Variants in LURAP1L observed in about 807,000 individuals in gnomAD.
LURAP1L encodes leucine rich adaptor protein 1 like.
LURAP1L carries 12 observed loss-of-function variants against 13.8 expected under a neutral mutation model. The observed-to-expected ratio is 0.87, with a 90% CI of 0.56 to 1.41. LURAP1L has a LOEUF of 1.41. Among genes scored for constraint, LURAP1L ranks in the 40% most tolerant of loss-of-function variants. LURAP1L has a pLI of 0.00. For synonymous variants in LURAP1L, 139 were observed against 119.2 expected, an observed-to-expected ratio of 1.17 and a Z score of -1.08; for missense variants, 375 against 292.9, an observed-to-expected ratio of 1.28 and a Z score of -2.04.
chr9:12,808,076 CATTGTT>C (rs1448911761), intron 1 of LURAP1L, among the ~76,000 whole-genome samples: 9 of 151,962 alleles, frequency 5.9e-5, no homozygotes, highest in Admixed American at 2.0e-4. Flanking sequence ...AATGCATTGT[CATTGTT>C]ATTTTGAACA....
Position 12,798,987 on chromosome 9 carries a change from TTC to T in LURAP1L, c.313-22397_313-22396del, listed in dbSNP as rs545289928. Among the ~76,000 whole-genome samples the T allele has an allele frequency of 5.8e-4, 89 of 152,360 alleles. No homozygotes were observed. In the South Asian group the frequency reaches 0.016, roughly 27 times the overall value. On this transcript the variant is annotated intron_variant, in intron 1 of 1. Transcript: ENST00000319264. The stretch of plus-strand genomic sequence containing the variant: ...GAATTGCTTCTTTCTTGAAAGATTA[TTC>T]TTTTTTTAATCCAGTCCTAAACTGT...
intron 1 of LURAP1L, chr9:12,814,477 G>C (rs1819778509): frequency 6.6e-6 from 1 of 152,128 alleles, no homozygotes; most frequent in Non-Finnish European, 1.5e-5. Flanking sequence ...CAGGGAAACA[G>C]TTTTCACTGT....
chr9:12,806,892 C>T (rs1819664798), intron 1 of LURAP1L, among the ~76,000 whole-genome samples: 1 of 151,312 alleles, frequency 6.6e-6, no homozygotes, highest in South Asian at 2.1e-4. Context: ...TTTTGCCCCT[C>T]AGTTAGTTCT....
rs117930503 is a variant in LURAP1L, at chr9:12,789,632, G to T, written c.312+13605G>T. On this transcript the variant is annotated intron_variant, in intron 1 of 1. Coordinates refer to ENST00000319264, the MANE Select transcript of LURAP1L (RefSeq NM_203403.2). ...TATGATTTTAGTCATATTGGCTAAT[G>T]CTATATGGACAGGTCTATCATAGGA... Among the ~76,000 whole-genome samples the T allele has an allele frequency of 1.1e-3, 162 of 152,250 alleles. 1 individual carries two copies. The highest frequency in any genetic ancestry group is 1.8e-3 in the Non-Finnish European group (125 of 68,020).
At chr9:12,776,109 G>C in intron 1 of LURAP1L, 82 bp downstream of exon 1, 3 of 1,391,490 alleles carry the variant, frequency 2.2e-6, no homozygotes, top group Non-Finnish European at 3.0e-6. Context: ...GGCTGGGAGA[G>C]AGGACGGCAG....
rs182704189 is a variant in LURAP1L, at chr9:12,816,780, T to G, written c.313-4606T>G. On this transcript the variant is annotated intron_variant, in intron 1 of 1. Transcript: ENST00000319264. ...ATCATAATCCTGAAGCCTGAGAGACTAAGTAGGAAGCTGAACCATATGACA... is the reference window on the plus strand; with the variant it reads ...ATCATAATCCTGAAGCCTGAGAGACGAAGTAGGAAGCTGAACCATATGACA... 9.2e-5 allele frequency among the ~76,000 whole-genome samples: 14 copies of G among 152,204 alleles called. No homozygotes were observed. In the East Asian group the frequency reaches 1.4e-3, roughly 15 times the overall value.
intron 1 of LURAP1L, among the ~76,000 whole-genome samples, chr9:12,814,517 C>T (rs1819778875): frequency 6.6e-6 from 1 of 152,168 alleles, no homozygotes; most frequent in Admixed American, 6.5e-5. Context: ...ATTGACATCA[C>T]AGGCATCTAA....
At chr9:12,807,316 G>GA (rs1819674425) in intron 1 of LURAP1L, among the ~76,000 whole-genome samples, 1 of 151,956 alleles carries the variant, frequency 6.6e-6, no homozygotes, top group East Asian at 1.9e-4. Context: ...AAATGAGACT[G>GA]AAAAAGAGAA....
intron 1 of LURAP1L, among the ~76,000 whole-genome samples, chr9:12,819,313 CATAG>C (rs953880037): frequency 2.8e-4 from 42 of 152,208 alleles, no homozygotes; most frequent in Middle Eastern, 3.4e-3. Context: ...TTTTTGTATT[CATAG>C]ATATATTTTT....
At position 12,818,411 on chromosome 9, in the gene LURAP1L, A is replaced by C. The variant is rs187647204; in HGVS notation, c.313-2975A>C. 2.6e-5 allele frequency among the ~76,000 whole-genome samples: 4 copies of C among 152,350 alleles called. No homozygotes were observed. In the East Asian group the frequency reaches 7.7e-4, roughly 29 times the overall value. The stretch of plus-strand genomic sequence containing the variant: ...TTCCTAAAATTATGGCTATTTCCAA[A>C]AATCAACCAATTATGACTATTTCCA... On this transcript the variant is annotated intron_variant, in intron 1 of 1. Transcript: ENST00000319264.
intron 1 of LURAP1L, among the ~76,000 whole-genome samples, chr9:12,811,022 A>G (rs948148927): frequency 1.3e-5 from 2 of 152,226 alleles, no homozygotes; most frequent in African/African-American, 4.8e-5. Context: ...GGGCCATTGT[A>G]CAGGTCTTTT....
chr9:12,807,730 C>G (rs2118528933), intron 1 of LURAP1L, among the ~76,000 whole-genome samples: 1 of 151,886 alleles, frequency 6.6e-6, no homozygotes, highest in African/African-American at 2.4e-5. Flanking sequence ...TTTTCTATTT[C>G]TTTCCTTTGT....
chr9:12,789,743 C>A (rs1027481300), intron 1 of LURAP1L, among the ~76,000 whole-genome samples: 4 of 152,148 alleles, frequency 2.6e-5, no homozygotes, highest in Non-Finnish European at 5.9e-5. Flanking sequence ...CCTGATGCTT[C>A]TTACCAGAAA....
intron 1 of LURAP1L, chr9:12,777,550 A>T: frequency 1.0e-6 from 1 of 974,070 alleles, no homozygotes. Flanking sequence ...TATTCACTTA[A>T]TCTAATAAAT....
chr9:12,786,305 C>T (rs1031881325), intron 1 of LURAP1L, among the ~76,000 whole-genome samples: 1 of 151,540 alleles, frequency 6.6e-6, no homozygotes, highest in Non-Finnish European at 1.5e-5. Flanking sequence ...AAGGTAATTA[C>T]TTCATTTTTT....
intron 1 of LURAP1L, among the ~76,000 whole-genome samples, chr9:12,812,692 A>C (rs73403699): frequency 0.1 from 15,258 of 152,222 alleles, 881 homozygotes; most frequent in South Asian, 0.24. Flanking sequence ...AGATGTCAGG[A>C]ATCATGTAAA....
In LURAP1L at chr9:12,821,638, G is replaced by A. The variant is rs1399360772; in HGVS notation, c.565G>A (p.Asp189Asn). The change falls in exon 2 of 2, where the codon GAT (aspartate) becomes AAT (asparagine). Residue 189 changes from aspartate to asparagine, a missense_variant. Physicochemically the swap from Asp to Asn is conservative, Grantham distance 23 (BLOSUM62 1). Coordinates refer to ENST00000319264, the MANE Select transcript of LURAP1L (RefSeq NM_203403.2). ...AAGTTATCTGGACACGTTGGCGGAT[G>A]ATGTCCCAGGCCATCAGACCCCTTC... ...VGSYLDTLAD[D>N]VPGHQTPSDL... 12 of 1,614,040 alleles carry A rather than the reference G, an allele frequency of 7.4e-6. No homozygotes were observed. Among genetic ancestry groups the A allele is most frequent in the Admixed American group, 1.7e-5 (1 of 59,996 alleles).
At chr9:12,811,240 TTTAG>T (rs1182575683) in intron 1 of LURAP1L, among the ~76,000 whole-genome samples, 5 of 152,198 alleles carry the variant, frequency 3.3e-5, no homozygotes, top group East Asian at 3.8e-4. Context: ...GTAGTTTCAG[TTTAG>T]TTAATCTCGC....
chr9:12,793,205 T>C (rs951175534), intron 1 of LURAP1L, among the ~76,000 whole-genome samples: 1 of 152,034 alleles, frequency 6.6e-6, no homozygotes, highest in African/African-American at 2.4e-5. Context: ...CCTGAGAAAT[T>C]ATAAAATAAA....
Sources: gnomAD v4.1 joint callset for allele counts (sites outside exome capture counted in the v4.1 genomes callset) on GRCh38, gnomAD v4.1.1 for gene constraint, MANE v1.5 for transcripts, NCBI Gene and HGNC (gene_info 2026-07-23, HGNC 2026-07-21) for gene names.